The following BMP6 variants were observed in gnomAD, a reference collection of about 807,000 sequenced individuals.
BMP6 encodes the protein bone morphogenetic protein 6, also known as VG-1-R.
BMP6 carries 17 observed loss-of-function variants against 54.1 expected under a neutral mutation model. The ratio of observed to expected loss-of-function variants is 0.31; its 90% CI spans 0.22 to 0.47. BMP6 has a LOEUF of 0.47. Among genes scored for constraint, BMP6 ranks in the 20% least tolerant of loss-of-function variants. The probability of loss-of-function intolerance (pLI) is 1.00; values close to 1 mark genes in which losing one functional copy is unlikely to be tolerated. For synonymous variants in BMP6, 328 were observed against 291.2 expected (o/e 1.13, Z -1.28); for missense variants, 720 against 690.4 (o/e 1.04, Z -0.48).
intron 2 of BMP6, among the ~76,000 whole-genome samples, chr6:7,845,601 A>G (rs1324837844): frequency 6.6e-6 from 1 of 152,250 alleles, no homozygotes; most frequent in Non-Finnish European, 1.5e-5. Context: ...ATAATTTATT[A>G]GGGTTAAAAT....
At position 7,773,745 on chromosome 6, in the gene BMP6, G is replaced by A. The variant is rs149795097; in HGVS notation, c.664+46126G>A. ...CTAGCTTAATTGAATCATGTACATG[G>A]GGCCTTTTCAGAAACAGCTCACTAG... On this transcript the variant is annotated intron_variant, in intron 1 of 6. Coordinates refer to ENST00000283147, the MANE Select transcript of BMP6 (RefSeq NM_001718.6). Among the ~76,000 whole-genome samples, 161 of 152,194 alleles carry A rather than the reference G, an allele frequency of 1.1e-3. 1 individual carries two copies. The Middle Eastern group carries it at 0.014, about 13-fold the overall frequency.
At chr6:7,807,545 C>T (rs1249836012) in intron 1 of BMP6, among the ~76,000 whole-genome samples, 1 of 152,158 alleles carries the variant, frequency 6.6e-6, no homozygotes, top group Non-Finnish European at 1.5e-5. Flanking sequence ...TCCCAAAGTG[C>T]TGGGATCACA....
chr6:7,820,332 T>C (rs1473878547), intron 1 of BMP6, among the ~76,000 whole-genome samples: 3 of 152,206 alleles, frequency 2.0e-5, no homozygotes, highest in Admixed American at 6.5e-5. Context: ...CTCAAGATGA[T>C]AGATCCCCAC....
At chr6:7,870,228 G>C (rs1024520604) in intron 4 of BMP6, among the ~76,000 whole-genome samples, 1 of 152,212 alleles carries the variant, frequency 6.6e-6, no homozygotes, top group Non-Finnish European at 1.5e-5. Context: ...GGCTGGACCT[G>C]ATGCTTTATT....
At chr6:7,805,280 A>G (rs1446820933) in intron 1 of BMP6, among the ~76,000 whole-genome samples, 1 of 152,158 alleles carries the variant, frequency 6.6e-6, no homozygotes, top group Non-Finnish European at 1.5e-5. Context: ...CACTGTCCGT[A>G]TCTTATACAA....
intron 1 of BMP6, among the ~76,000 whole-genome samples, chr6:7,738,761 ACTT>A (rs1761999424): frequency 6.6e-6 from 1 of 152,182 alleles, no homozygotes; most frequent in South Asian, 2.1e-4. Context: ...AGTTCGATAA[ACTT>A]AGACATAGGT....
intron 1 of BMP6, among the ~76,000 whole-genome samples, chr6:7,792,502 T>G (rs904111176): frequency 3.3e-5 from 5 of 152,192 alleles, no homozygotes. Flanking sequence ...CAGGCAGGTA[T>G]TATGTCTTGT....
At chr6:7,870,965 G>A (rs1759515421) in intron 4 of BMP6, among the ~76,000 whole-genome samples, 1 of 152,190 alleles carries the variant, frequency 6.6e-6, no homozygotes, top group African/African-American at 2.4e-5. Context: ...CATCCCCGAA[G>A]GGAGTTGTAG....
In BMP6 at chr6:7,751,149, T is replaced by TA. The variant is rs35372841; in HGVS notation, c.664+23535dup. Among the ~76,000 whole-genome samples the TA allele has an allele frequency of 4.6e-5, 7 of 152,222 alleles. No individual in the cohort carries two copies. The East Asian group carries it at 1.2e-3, about 25-fold the overall frequency. On this transcript the variant is annotated intron_variant, in intron 1 of 6. Transcript: ENST00000283147. ...GATATTTAGGTGGAAGCCAACACTA[T>TA]AAAAATGAACGTTTTACTAAGAGTA...
At chr6:7,826,065 C>CG (rs1364883175) in intron 1 of BMP6, among the ~76,000 whole-genome samples, 5 of 152,204 alleles carry the variant, frequency 3.3e-5, no homozygotes, top group African/African-American at 1.2e-4. Flanking sequence ...AAGTGGGCTC[C>CG]GGGTACCCTG....
intron 1 of BMP6, among the ~76,000 whole-genome samples, chr6:7,733,647 ATGT>A (rs1378313844): frequency 6.6e-6 from 1 of 152,286 alleles, no homozygotes; most frequent in East Asian, 1.9e-4. Context: ...CCAGTGCATT[ATGT>A]TGTTCTTATT....
chr6:7,738,794 A>G (rs1761999828), intron 1 of BMP6, among the ~76,000 whole-genome samples: 1 of 152,224 alleles, frequency 6.6e-6, no homozygotes, highest in South Asian at 2.1e-4. Context: ...TGCAACCATC[A>G]TGGCAGGGAA....
chr6:7,728,281 G>A (rs1207713873), intron 1 of BMP6, among the ~76,000 whole-genome samples: 7 of 152,228 alleles, frequency 4.6e-5, no homozygotes, highest in Non-Finnish European at 7.3e-5. Context: ...AATCCATCCT[G>A]TGCCCCGGCT....
chr6:7,784,000 C>G (rs1433308883), intron 1 of BMP6, among the ~76,000 whole-genome samples: 1 of 152,184 alleles, frequency 6.6e-6, no homozygotes, highest in African/African-American at 2.4e-5. Flanking sequence ...GAGGCTAAAG[C>G]CATGGCCGAT....
chr6:7,734,969 A>G (rs1464187512), intron 1 of BMP6, among the ~76,000 whole-genome samples: 3 of 152,256 alleles, frequency 2.0e-5, no homozygotes, highest in African/African-American at 7.2e-5. Flanking sequence ...CCTGCTGGCC[A>G]GGTCAGGATT....
intron 2 of BMP6, among the ~76,000 whole-genome samples, chr6:7,854,428 C>G (rs1382734449): frequency 6.6e-6 from 1 of 152,036 alleles, no homozygotes; most frequent in Non-Finnish European, 1.5e-5. Flanking sequence ...CATTTCCCCA[C>G]CTTGGACGGG....
intron 1 of BMP6, among the ~76,000 whole-genome samples, chr6:7,838,788 A>T (rs1426328395): frequency 6.6e-6 from 1 of 152,010 alleles, no homozygotes; most frequent in Non-Finnish European, 1.5e-5. Context: ...TAAAAATACA[A>T]AAAATTAGCC....
chr6:7,787,323 C>T (rs908126023), intron 1 of BMP6, among the ~76,000 whole-genome samples: 9 of 152,174 alleles, frequency 5.9e-5, no homozygotes, highest in African/African-American at 2.2e-4. Context: ...AAAGGAGCTA[C>T]ACCTCTAAAA....
chr6:7,822,976 C>T (rs1758639439), intron 1 of BMP6, among the ~76,000 whole-genome samples: 1 of 151,604 alleles, frequency 6.6e-6, no homozygotes, highest in Non-Finnish European at 1.5e-5. Context: ...TTATTTCTAG[C>T]ACTGGTCTAT....
Sources: gnomAD v4.1 joint callset for allele counts (sites outside exome capture counted in the v4.1 genomes callset) on GRCh38, gnomAD v4.1.1 for gene constraint, MANE v1.5 for transcripts, NCBI Gene and HGNC (gene_info 2026-07-23, HGNC 2026-07-21) for gene names.